The following NRXN3 variants were observed in gnomAD, a reference collection of about 807,000 sequenced individuals.
NRXN3 encodes neurexin III.
In NRXN3, 32 loss-of-function variants were observed where a neutral mutation model predicts 137.6. That is an observed-to-expected ratio of 0.23 (90% CI 0.18 to 0.31). NRXN3 has a LOEUF of 0.31. Ranked by LOEUF, NRXN3 falls within the 10% of genes least tolerant of loss-of-function variation. The pLI, the probability that NRXN3 is intolerant of heterozygous loss-of-function variation, is 1.00. For synonymous variants in NRXN3, 798 were observed against 784.5 expected (o/e 1.02, Z -0.29); for missense variants, 1,574 against 2,062.5 (o/e 0.76, Z 4.59).
chr14:78,614,330 A>C (rs1321554264), intron 4 of NRXN3, among the ~76,000 whole-genome samples: 1 of 152,198 alleles, frequency 6.6e-6, no homozygotes, highest in African/African-American at 2.4e-5. Flanking sequence ...AAACAAAATA[A>C]AACAAAATTG....
At chr14:79,304,106 AT>A (rs1424458454) in intron 15 of NRXN3, among the ~76,000 whole-genome samples, 3 of 152,104 alleles carry the variant, frequency 2.0e-5, no homozygotes, top group African/African-American at 7.2e-5. Context: ...GTGTGGTACA[AT>A]GAAAAGAGAA....
intron 16 of NRXN3, among the ~76,000 whole-genome samples, chr14:79,627,905 A>G (rs1006506656): frequency 6.6e-6 from 1 of 152,202 alleles, no homozygotes; most frequent in Non-Finnish European, 1.5e-5. Flanking sequence ...TAGTGTCTGT[A>G]TATATGCAGT....
intron 4 of NRXN3, among the ~76,000 whole-genome samples, chr14:78,396,064 T>G: frequency 6.6e-6 from 1 of 152,076 alleles, no homozygotes; most frequent in Non-Finnish European, 1.5e-5. Context: ...TTTTTCTGCC[T>G]TCCTGTTTGT....
At chr14:78,686,165 C>G (rs376417161) in intron 6 of NRXN3, among the ~76,000 whole-genome samples, 1 of 152,172 alleles carries the variant, frequency 6.6e-6, no homozygotes, top group Non-Finnish European at 1.5e-5. Flanking sequence ...GTTCCTGGCA[C>G]TTAGTATTTT....
chr14:78,416,797 G>A (rs534371584), intron 4 of NRXN3, among the ~76,000 whole-genome samples: 1 of 152,294 alleles, frequency 6.6e-6, no homozygotes, highest in African/African-American at 2.4e-5. Flanking sequence ...CTGTACTGCT[G>A]CAGTCTTTGT....
chr14:79,445,230 C>T (rs1347838762), intron 15 of NRXN3, among the ~76,000 whole-genome samples: 1 of 151,736 alleles, frequency 6.6e-6, no homozygotes, highest in Non-Finnish European at 1.5e-5. Context: ...GTCCCAGCTA[C>T]TCGGGAGGCT....
intron 9 of NRXN3, among the ~76,000 whole-genome samples, chr14:78,807,649 C>A (rs767301426): frequency 6.7e-6 from 1 of 148,750 alleles, no homozygotes; most frequent in Non-Finnish European, 1.5e-5. Flanking sequence ...GCAGGAGAAT[C>A]GCTTGAACAC....
chr14:78,944,620 T>C (rs1459489409), intron 10 of NRXN3, among the ~76,000 whole-genome samples: 2 of 152,140 alleles, frequency 1.3e-5, no homozygotes, highest in Non-Finnish European at 2.9e-5. Flanking sequence ...GAGAGTGAAG[T>C]GATGCTTCTG....
intron 4 of NRXN3, among the ~76,000 whole-genome samples, chr14:78,438,268 T>A (rs1441926147): frequency 6.6e-6 from 1 of 152,202 alleles, no homozygotes; most frequent in Non-Finnish European, 1.5e-5. Flanking sequence ...TCTTTGGACA[T>A]CCAGGTGGAG....
At chr14:78,188,473 A>G (rs549560901) in intron 1 of NRXN3, among the ~76,000 whole-genome samples, 38 of 152,308 alleles carry the variant, frequency 2.5e-4, no homozygotes, top group African/African-American at 9.1e-4. Context: ...AAATCAGGAA[A>G]CCAAGGCAGA....
chr14:79,402,417 T>A (rs1283564950), intron 15 of NRXN3, among the ~76,000 whole-genome samples: 3 of 152,270 alleles, frequency 2.0e-5, no homozygotes, highest in African/African-American at 7.2e-5. Flanking sequence ...CTTATTTTAC[T>A]GCTGTAAAAA....
intron 16 of NRXN3, among the ~76,000 whole-genome samples, chr14:79,537,862 G>T (rs143890855): frequency 6.6e-6 from 1 of 152,050 alleles, no homozygotes; most frequent in South Asian, 2.1e-4. Context: ...CTGAGGAATC[G>T]CCACACTGAC....
chr14:79,034,123 A>G (rs2099612185), intron 15 of NRXN3, among the ~76,000 whole-genome samples: 1 of 152,042 alleles, frequency 6.6e-6, no homozygotes, highest in Admixed American at 6.6e-5. Flanking sequence ...TGGAGCCTCA[A>G]CATGTGCCTT....
intron 15 of NRXN3, among the ~76,000 whole-genome samples, chr14:79,302,090 C>G (rs1311026644): frequency 2.0e-5 from 3 of 151,908 alleles, no homozygotes; most frequent in Non-Finnish European, 4.4e-5. Flanking sequence ...TCTTGAGGCT[C>G]CTTTTTGTTT....
chr14:79,413,079 G>T (rs2095442651), intron 15 of NRXN3, among the ~76,000 whole-genome samples: 1 of 152,174 alleles, frequency 6.6e-6, no homozygotes, highest in East Asian at 1.9e-4. Flanking sequence ...CTACTTCCTT[G>T]AATTTGGCAA....
At chr14:78,881,178 C>T (rs577082203) in intron 10 of NRXN3, among the ~76,000 whole-genome samples, 1 of 151,762 alleles carries the variant, frequency 6.6e-6, no homozygotes, top group East Asian at 1.9e-4. Flanking sequence ...TCAGTTAAAC[C>T]TCTTGCTTTA....
intron 15 of NRXN3, among the ~76,000 whole-genome samples, chr14:79,245,690 A>G (rs114877112): frequency 2.2e-4 from 33 of 152,250 alleles, no homozygotes; most frequent in African/African-American, 7.9e-4. Context: ...TCTGATGATA[A>G]GTTTCATTTT....
At chr14:79,730,112 A>C (rs1000749450) in intron 19 of NRXN3, among the ~76,000 whole-genome samples, 1 of 152,208 alleles carries the variant, frequency 6.6e-6, no homozygotes, top group African/African-American at 2.4e-5. Flanking sequence ...GGAAGAAGCC[A>C]GATTTGTGTA....
In NRXN3 at chr14:79,496,187, C is replaced by T. The variant is rs150828961; in HGVS notation, c.3444+28785C>T. 7.7e-3 allele frequency among the ~76,000 whole-genome samples: 1,170 copies of T among 151,918 alleles called. 12 individuals are homozygous for T. The highest frequency in any genetic ancestry group is 0.014 in the Admixed American group (207 of 15,240). Reference sequence around the variant, plus strand: ...AAAGGAAAAAAATCAGATAATAATTCCCTTTACAGGCCTAATTTGAACTTA... The same window carrying T: ...AAAGGAAAAAAATCAGATAATAATTTCCTTTACAGGCCTAATTTGAACTTA... On this transcript the variant is annotated intron_variant, in intron 16 of 20. Coordinates refer to ENST00000335750, the MANE Select transcript of NRXN3 (RefSeq NM_001330195.2).
Sources: gnomAD v4.1 joint callset for allele counts (sites outside exome capture counted in the v4.1 genomes callset) on GRCh38, gnomAD v4.1.1 for gene constraint, MANE v1.5 for transcripts, NCBI Gene and HGNC (gene_info 2026-07-23, HGNC 2026-07-21) for gene names.